Variants in PCDHGB2 observed in about 807,000 individuals in gnomAD.
The protein encoded by PCDHGB2 is protocadherin gamma subfamily B, 2.
PCDHGB2 carries 55 observed loss-of-function variants against 59.3 expected under a neutral mutation model. The observed-to-expected ratio is 0.93, with a 90% CI of 0.75 to 1.16. The LOEUF is 1.16. PCDHGB2 is among the 50% of genes most tolerant of loss of function. PCDHGB2 has a pLI of 0.00. For synonymous variants in PCDHGB2, 516 were observed against 512.0 expected (o/e 1.01, Z -0.11); for missense variants, 1,228 against 1,198.5 (o/e 1.02, Z -0.36).
chr5:141,427,832 T>C, intron 1 of PCDHGB2: 1 of 1,540,264 alleles, frequency 6.5e-7, no homozygotes, highest in Non-Finnish European at 8.9e-7. Flanking sequence ...TCGCGCAGCG[T>C]GCCTTCGACC....
At position 141,404,149 on chromosome 5, in the gene PCDHGB2, A is replaced by G. The variant is rs758060942; in HGVS notation, c.2421+41593A>G. The G allele has an allele frequency of 3.1e-6, 5 of 1,612,750 alleles. No individual in the cohort carries two copies. In the African/African-American group the frequency reaches 5.3e-5, roughly 17 times the overall value. On this transcript the variant is annotated intron_variant, in intron 1 of 3. Transcript: ENST00000522605. Reference sequence around the variant, plus strand: ...CTTTTACATTAGAAAATTCAGAAGAAGATTATTACAGATTGTTGACGGCCC... The same window carrying G: ...CTTTTACATTAGAAAATTCAGAAGAGGATTATTACAGATTGTTGACGGCCC...
intron 1 of PCDHGB2, among the ~76,000 whole-genome samples, chr5:141,451,873 C>A (rs1425706652): frequency 1.3e-5 from 2 of 151,830 alleles, no homozygotes; most frequent in East Asian, 3.9e-4. Context: ...AGAATGAAAC[C>A]CTGTCAAGAA....
chr5:141,473,476 A>G (rs1300050332), intron 1 of PCDHGB2, among the ~76,000 whole-genome samples: 15 of 151,558 alleles, frequency 9.9e-5, no homozygotes, highest in Admixed American at 9.2e-4. Context: ...GCCAAGTTCA[A>G]TGGAAAAAAT....
intron 1 of PCDHGB2, chr5:141,382,604 A>G (rs746848430): frequency 2.6e-5 from 7 of 268,716 alleles, no homozygotes; most frequent in Non-Finnish European, 3.5e-5. Flanking sequence ...ACAATTTTCT[A>G]TGAAATCAGT....
At chr5:141,394,436 C>T in intron 1 of PCDHGB2, 1 of 1,614,234 alleles carries the variant, frequency 6.2e-7, no homozygotes, top group South Asian at 1.1e-5. Context: ...GGGACCCGCC[C>T]CTCAGCAGCA....
chr5:141,493,962 T>C lies in PCDHGB2; in HGVS notation c.2422-845T>C, dbSNP rs550317675. 6.6e-6 allele frequency among the ~76,000 whole-genome samples: 1 copy of C among 152,320 alleles called. No homozygotes were observed. Among genetic ancestry groups the C allele is most frequent in the African/African-American group, 2.4e-5 (1 of 41,578 alleles). ...AGAAGGGACTCAGGAATGAAGTGGC[T>C]GGCCAGAGCCCCACACCTTCAGCTA... is the stretch of plus-strand genomic sequence containing the variant. On this transcript the variant is annotated intron_variant, in intron 1 of 3. Coordinates refer to ENST00000522605, the MANE Select transcript of PCDHGB2 (RefSeq NM_018923.3). This position sits in a 1 kb window ranked among gnomAD's most constrained non-coding sequence, Gnocchi z 4.3.
chr5:141,375,863 G>A, intron 1 of PCDHGB2: 3 of 1,613,986 alleles, frequency 1.9e-6, no homozygotes, highest in East Asian at 2.2e-5. Context: ...GGTGGTGGCG[G>A]TGGACAGAGA....
In PCDHGB2 at chr5:141,477,718, A is replaced by G; in HGVS notation, c.2422-17089A>G. 6.2e-7 allele frequency: 1 copy of G among 1,613,928 alleles called. No homozygotes were observed. The highest frequency in any genetic ancestry group is 8.5e-7 in the Non-Finnish European group (1 of 1,180,034). On this transcript the variant is annotated intron_variant, in intron 1 of 3. Coordinates refer to ENST00000522605, the MANE Select transcript of PCDHGB2 (RefSeq NM_018923.3). The surrounding 1 kb of genome is among the most constrained non-coding windows in gnomAD (Gnocchi z 4.9). ...ACTATGAGGATCGGCGGGAATTTGA[A>G]TTAACAGCTCATATCAGCGATGGGG...
intron 1 of PCDHGB2, among the ~76,000 whole-genome samples, chr5:141,460,070 T>C (rs547558436): frequency 2.0e-5 from 3 of 152,202 alleles, no homozygotes; most frequent in South Asian, 2.1e-4. Flanking sequence ...AGAGTGAGAC[T>C]TCATCTAAAA....
At chr5:141,363,598 C>T (rs147406572) in intron 1 of PCDHGB2, among the ~76,000 whole-genome samples, 4 of 152,298 alleles carry the variant, frequency 2.6e-5, no homozygotes, top group African/African-American at 7.2e-5. Context: ...CCAACTCAAA[C>T]GCTGTCTGAG....
In PCDHGB2 at chr5:141,495,049, T is replaced by G. The variant is rs543734863; in HGVS notation, c.2480+184T>G. ...CCCCGGAAGGAAGAGGCGACTGCCC[T>G]GACTGTTCAGGAAGCTCAATTCACA... On this transcript the variant is annotated intron_variant, in intron 2 of 3. Coordinates refer to ENST00000522605, the MANE Select transcript of PCDHGB2 (RefSeq NM_018923.3). Among the ~76,000 whole-genome samples the G allele has an allele frequency of 5.6e-4, 86 of 152,312 alleles. 1 individual carries two copies. Among genetic ancestry groups the G allele is most frequent in the African/African-American group, 1.6e-3 (65 of 41,578 alleles).
intron 1 of PCDHGB2, chr5:141,423,256 G>T (rs751894091): frequency 1.4e-5 from 22 of 1,613,816 alleles, no homozygotes; most frequent in Middle Eastern, 1.6e-4. Flanking sequence ...GGCGGACCTC[G>T]GCAGCCTCGA....
Position 141,431,674 on chromosome 5 carries a change from G to T in PCDHGB2, c.2422-63133G>T. 6.2e-7 allele frequency: 1 copy of T among 1,614,234 alleles called. No homozygotes were observed. ...ATTCAGGGACAATATCAACAATAGG[G>T]GAGTTGGACCACGAGGAGTCAGGAT... is the stretch of plus-strand genomic sequence containing the variant. On this transcript the variant is annotated intron_variant, in intron 1 of 3. Transcript: ENST00000522605. This position sits in a 1 kb window ranked among gnomAD's most constrained non-coding sequence, Gnocchi z 4.8.
At chr5:141,382,798 A>C in intron 1 of PCDHGB2, 2 of 1,017,066 alleles carry the variant, frequency 2.0e-6, no homozygotes, top group Admixed American at 2.4e-5. Context: ...ATCCTGCTGG[A>C]TTCTGAGCTC....
chr5:141,478,851 C>T, intron 1 of PCDHGB2: 1 of 1,374,810 alleles, frequency 7.3e-7, no homozygotes, highest in Non-Finnish European at 9.6e-7. Context: ...AGCTAAAACA[C>T]AAGATCTCAG....
chr5:141,449,095 T>C (rs2098628347), intron 1 of PCDHGB2, among the ~76,000 whole-genome samples: 1 of 152,204 alleles, frequency 6.6e-6, no homozygotes. Flanking sequence ...AGTTTTTACA[T>C]ATGCAGTATA....
At chr5:141,478,478 A>T (rs764926007) in intron 1 of PCDHGB2, 2 of 1,613,740 alleles carry the variant, frequency 1.2e-6, no homozygotes, top group East Asian at 4.5e-5. Flanking sequence ...CCGCCAGAAC[A>T]CGCTGCGGAG....
intron 1 of PCDHGB2, among the ~76,000 whole-genome samples, chr5:141,401,296 C>G (rs2094138441): frequency 6.6e-6 from 1 of 152,104 alleles, no homozygotes; most frequent in African/African-American, 2.4e-5. Flanking sequence ...GAGCCGAGAT[C>G]ACTCCATTGC....
At chr5:141,509,551 C>T (rs2099877337) in intron 3 of PCDHGB2, among the ~76,000 whole-genome samples, 1 of 152,164 alleles carries the variant, frequency 6.6e-6, no homozygotes, top group South Asian at 2.1e-4. Context: ...CTCATTTAGT[C>T]CTCACAGCAG....
Sources: gnomAD v4.1 joint callset for allele counts (sites outside exome capture counted in the v4.1 genomes callset) on GRCh38, gnomAD v4.1.1 for gene constraint, Gnocchi (gnomAD v3.1) non-coding constraint, MANE v1.5 for transcripts, NCBI Gene and HGNC (gene_info 2026-07-23, HGNC 2026-07-21) for gene names.